EPX: variants seen among roughly 807,000 people sequenced by gnomAD.
EPX encodes eosinophil peroxidase.
In EPX, 60 loss-of-function variants were observed where a neutral mutation model predicts 73.0. That is an observed-to-expected ratio of 0.82 (90% CI 0.67 to 1.02). The LOEUF (loss-of-function observed/expected upper bound fraction) is 1.02, where lower values mean the gene tolerates loss of function less well. Ranked by LOEUF, EPX falls within the 50% of genes least tolerant of loss-of-function variation. The pLI is 0.00. For missense variants in EPX, 950 were observed against 973.9 expected (o/e 0.98, Z 0.33); for synonymous variants, 347 against 389.2 (o/e 0.89, Z 1.28).
At position 58,197,197 on chromosome 17, in the gene EPX, C is replaced by T. The variant is rs200025514; in HGVS notation, c.1060C>T (p.Leu354=). The T allele has an allele frequency of 3.9e-5, 63 of 1,613,682 alleles. No individual in the cohort carries two copies. The highest frequency in any genetic ancestry group is 5.2e-5 in the Non-Finnish European group (61 of 1,180,030). Residue 354 remains leucine, a synonymous_variant, in exon 7 of 13, where the codon CTG becomes TTG. Coordinates refer to ENST00000225371, the MANE Select transcript of EPX (RefSeq NM_000502.6). ...NGRALLPFDN[L]HDDPCLLTNR... ...CCGGGCCCTGCTGCCCTTCGACAAC[C>T]TGCACGATGACCCCTGTCTCCTCAC...
chr17:58,192,782 G>A lies in EPX; in HGVS notation c.-65G>A, dbSNP rs1332021238. 6.4e-6 allele frequency: 9 copies of A among 1,398,162 alleles called. No homozygotes were observed. Among genetic ancestry groups the A allele is most frequent in the Non-Finnish European group, 9.0e-6 (9 of 997,988 alleles). The allele number at this position is 1,398,162 out of a possible 1,614,324, so 86.6% of individuals were successfully genotyped here. A position where few individuals can be genotyped will look rare whatever the true frequency, so the allele number is the denominator to read the frequency against. ...GGGTCCTCAAAGTGAGAGGGGAGCA[G>A]AGGATCCTCCCGTGCAGGCTGTGGA... On this transcript the variant is annotated 5_prime_UTR_variant, in exon 1 of 13. Transcript: ENST00000225371.
intron 3 of EPX, 65 bp from the exon 4 acceptor site, chr17:58,193,649 A>G: frequency 6.5e-7 from 1 of 1,544,034 alleles, no homozygotes; most frequent in Non-Finnish European, 8.9e-7. Context: ...CTGGGAGGAG[A>G]GAGGGTAAAG....
In EPX at chr17:58,193,100, G is replaced by T. The variant is rs1968200286; in HGVS notation, c.139G>T (p.Val47Leu). 1 of 1,613,244 alleles carries T rather than the reference G, an allele frequency of 6.2e-7. No individual in the cohort carries two copies. The highest frequency in any genetic ancestry group is 1.1e-5 in the South Asian group (1 of 91,070). ...CTGCATAGCAGAGGCCAAGTTGCTGGTGGATGCTGCCTACAATTGGACCCA... is the reference window on the plus strand; with the variant it reads ...CTGCATAGCAGAGGCCAAGTTGCTGTTGGATGCTGCCTACAATTGGACCCA... ...RDCIAEAKLL[V>L]DAAYNWTQKS... Residue 47 changes from valine (V) to leucine (L), a missense_variant, in exon 2 of 13, where the codon GTG (valine) becomes TTG (leucine). Val to Leu is a conservative substitution (Grantham distance 32). Coordinates refer to ENST00000225371, the MANE Select transcript of EPX (RefSeq NM_000502.6).
chr17:58,194,926 G>A (rs1328004499), intron 5 of EPX, 38 bp from the exon 6 acceptor site: 1 of 1,531,932 alleles, frequency 6.5e-7, no homozygotes, highest in African/African-American at 1.4e-5. Context: ...GTGGGGTCAG[G>A]GAGCCCATGT....
intron 11 of EPX, among the ~76,000 whole-genome samples, 191 bp from the exon 12 acceptor site, chr17:58,204,031 A>G (rs1326925682): frequency 1.3e-5 from 2 of 149,856 alleles, no homozygotes; most frequent in South Asian, 2.1e-4. Flanking sequence ...TGGCCACTTA[A>G]ATTACTGTGC....
In EPX at chr17:58,194,936, T is replaced by A. The variant is rs540908451; in HGVS notation, c.595-28T>A. The A allele has an allele frequency of 8.0e-5, 127 of 1,582,546 alleles. No homozygotes were observed. In the Middle Eastern group the frequency reaches 1.3e-3, roughly 17 times the overall value. On this transcript the variant is annotated intron_variant, in intron 5 of 12. Coordinates refer to ENST00000225371, the MANE Select transcript of EPX (RefSeq NM_000502.6). ...ACCTTGTGGGGTCAGGGAGCCCATG[T>A]CCCGTGCTGATGTTATTTCCCCACC...
chr17:58,203,160 G>T lies in EPX; in HGVS notation c.1788G>T (p.Gln596His). Reference sequence around the variant, plus strand: ...AGCTTAGCCGGGTGCTGAAAAACCAGGACTTGGCAAGGAAGTTCCTGAATT... The same window carrying T: ...AGCTTAGCCGGGTGCTGAAAAACCATGACTTGGCAAGGAAGTTCCTGAATT... The part of the protein sequence containing the change: ...LAQLSRVLKN[Q>H]DLARKFLNLY... The change falls in exon 11 of 13, where the codon CAG becomes CAT. Residue 596 changes from glutamine (Q) to histidine (H), a missense_variant. Coordinates refer to ENST00000225371, the MANE Select transcript of EPX (RefSeq NM_000502.6). 6.2e-7 allele frequency: 1 copy of T among 1,614,200 alleles called. No individual in the cohort carries two copies. Among genetic ancestry groups the T allele is most frequent in the Non-Finnish European group, 8.5e-7 (1 of 1,180,040 alleles).
At chr17:58,202,980 T>C in intron 10 of EPX, 101 bp from the exon 11 acceptor site, 1 of 864,926 alleles carries the variant, frequency 1.2e-6, no homozygotes. Flanking sequence ...TTCTGCCCAA[T>C]ATTGACTGGC....
At position 58,194,003 on chromosome 17, in the gene EPX, C is replaced by G; in HGVS notation, c.505C>G (p.Arg169Gly). The change falls in exon 5 of 13, where the codon CGC becomes GGC. Residue 169 changes from arginine (R) to glycine (G), a missense_variant. Transcript: ENST00000225371. ...AGGGGCCTCCAACCAGGCTCTGGCT[C>G]GCTGGCTGCCCGCCGAGTATGAGGA... is the stretch of plus-strand genomic sequence containing the variant. ...LLGASNQALA[R>G]WLPAEYEDGL... is the part of the protein sequence containing the mutation. The G allele has an allele frequency of 6.2e-7, 1 of 1,613,098 alleles. No individual in the cohort carries two copies.
intron 7 of EPX, among the ~76,000 whole-genome samples, chr17:58,198,366 C>T (rs1052447097): frequency 6.6e-6 from 1 of 152,164 alleles, no homozygotes; most frequent in Non-Finnish European, 1.5e-5. Flanking sequence ...CACAGAGAGT[C>T]GGCCCCAACC....
Position 58,199,683 on chromosome 17 carries a change from A to G in EPX, c.1426A>G (p.Met476Val). 6.2e-7 allele frequency: 1 copy of G among 1,614,224 alleles called. No individual in the cohort carries two copies. The highest frequency in any genetic ancestry group is 8.5e-7 in the Non-Finnish European group (1 of 1,180,044). ...FTLAFRFGHT[M>V]LQPFMFRLDS... is the part of the protein sequence containing the mutation. ...CCTGGCCTTCCGCTTTGGCCACACA[A>G]TGCTCCAGCCCTTCATGTTCCGCTT... is the stretch of plus-strand genomic sequence containing the variant. Residue 476 changes from methionine to valine, a missense_variant, in exon 9 of 13, where the codon ATG becomes GTG. Physicochemically the swap from Met to Val is conservative, Grantham distance 21. Transcript: ENST00000225371.
chr17:58,204,591 C>A (rs1230696377), intron 12 of EPX, 145 bp from the exon 13 acceptor site: 2 of 612,904 alleles, frequency 3.3e-6, no homozygotes, highest in East Asian at 2.7e-5. Flanking sequence ...AGTTTCTGGG[C>A]TGACAGTCAA....
chr17:58,199,778 G>A lies in EPX; in HGVS notation c.1521G>A (p.Trp507Ter). The A allele has an allele frequency of 6.2e-7, 1 of 1,614,084 alleles. No homozygotes were observed. Among genetic ancestry groups the A allele is most frequent in the Non-Finnish European group, 8.5e-7 (1 of 1,179,988 alleles). The stretch of plus-strand genomic sequence containing the variant: ...TTAGCTCTGCCTTCTTTGCCAGCTG[G>A]CGGATCGTGTATGAAGGTGACCAGG... ...VPLSSAFFAS[W>*]RIVYEGGIDP... The change falls in exon 9 of 13, where the codon TGG (tryptophan) becomes TGA (stop). Residue 507 changes from tryptophan (W) to a stop codon, truncating the protein, a stop_gained. Coordinates refer to ENST00000225371, the MANE Select transcript of EPX (RefSeq NM_000502.6). LOFTEE classifies it high-confidence loss of function.
Position 58,193,996 on chromosome 17 carries a change from T to C in EPX, c.498T>C (p.Ala166=), listed in dbSNP as rs971831852. 3.1e-6 allele frequency: 5 copies of C among 1,612,950 alleles called. No individual in the cohort carries two copies. Among genetic ancestry groups the C allele is most frequent in the Non-Finnish European group, 3.4e-6 (4 of 1,180,020 alleles). Residue 166 remains alanine (A), a synonymous_variant, in exon 5 of 13, where the codon GCT becomes GCC. Coordinates refer to ENST00000225371, the MANE Select transcript of EPX (RefSeq NM_000502.6). The stretch of plus-strand genomic sequence containing the variant: ...CCTTGCTAGGGGCCTCCAACCAGGC[T>C]CTGGCTCGCTGGCTGCCCGCCGAGT... The part of the protein sequence containing the change: ...RRPLLGASNQ[A]LARWLPAEYE...
At position 58,199,710 on chromosome 17, in the gene EPX, G is replaced by A; in HGVS notation, c.1453G>A (p.Asp485Asn). 6.2e-7 allele frequency: 1 copy of A among 1,614,224 alleles called. No homozygotes were observed. Among genetic ancestry groups the A allele is most frequent in the Non-Finnish European group, 8.5e-7 (1 of 1,180,042 alleles). ...TMLQPFMFRLDSQYRASAPNS... is the reference protein window; with the variant it reads ...TMLQPFMFRLNSQYRASAPNS... Reference sequence around the variant, plus strand: ...GCTCCAGCCCTTCATGTTCCGCTTGGACAGTCAGTACCGGGCCTCCGCACC... The same window carrying A: ...GCTCCAGCCCTTCATGTTCCGCTTGAACAGTCAGTACCGGGCCTCCGCACC... The change falls in exon 9 of 13, where the codon GAC becomes AAC. Residue 485 changes from aspartate (D) to asparagine (N), a missense_variant. Asp to Asn is a conservative substitution (Grantham distance 23). Coordinates refer to ENST00000225371, the MANE Select transcript of EPX (RefSeq NM_000502.6).
In EPX at chr17:58,204,383, G is replaced by T. The variant is rs538257523; in HGVS notation, c.2108G>T (p.Arg703Leu). The change falls in exon 12 of 13, where the codon CGT becomes CTT. Residue 703 changes from arginine to leucine, a missense_variant. Coordinates refer to ENST00000225371, the MANE Select transcript of EPX (RefSeq NM_000502.6). ...CCTCGGGGCTTTGTGAACTGCAGCC[G>T]TATCCCCAGGTTGAACCTATCAGCC... ...IYPRGFVNCSRIPRLNLSAWR... is the reference protein window; with the variant it reads ...IYPRGFVNCSLIPRLNLSAWR... 1.9e-6 allele frequency: 3 copies of T among 1,614,042 alleles called. No individual in the cohort carries two copies. The Admixed American group carries it at 5.0e-5, about 27-fold the overall frequency.
Position 58,200,271 on chromosome 17 carries a change from G to A in EPX, c.1584G>A (p.Lys528=), listed in dbSNP as rs562522475. Residue 528 remains lysine, a synonymous_variant, in exon 10 of 13, where the codon AAG becomes AAA. Transcript: ENST00000225371. ...GGGGCCTCATGGCCACCCCTGCCAA[G>A]CTGAACCGTCAGGATGCCATGTTAG... The part of the protein sequence containing the change: ...ILRGLMATPA[K]LNRQDAMLVD... 578 of 1,614,210 alleles carry A rather than the reference G, an allele frequency of 3.6e-4. 5 individuals are homozygous for A. The South Asian group carries it at 4.9e-3, about 14-fold the overall frequency.
intron 5 of EPX, among the ~76,000 whole-genome samples, chr17:58,194,737 CCTT>C (rs1250121510): frequency 6.6e-6 from 1 of 152,316 alleles, no homozygotes; most frequent in Middle Eastern, 3.4e-3. Context: ...TAGCCCCTCT[CCTT>C]CTCTTTACCA....
intron 11 of EPX, 101 bp downstream of exon 11, chr17:58,203,419 C>A: frequency 1.2e-6 from 1 of 869,068 alleles, no homozygotes; most frequent in Non-Finnish European, 1.9e-6. Context: ...TTTTTAGTAT[C>A]ATTTCTTCCA....
Sources: gnomAD v4.1 joint callset for allele counts (sites outside exome capture counted in the v4.1 genomes callset) on GRCh38, gnomAD v4.1.1 for gene constraint, MANE v1.5 for transcripts, NCBI Gene and HGNC (gene_info 2026-07-23, HGNC 2026-07-21) for gene names.